The following PPARGC1A variants were observed in gnomAD, a reference collection of about 807,000 sequenced individuals.
PPARGC1A encodes peroxisome proliferator-activated receptor gamma coactivator 1-alpha.
In PPARGC1A, 25 loss-of-function variants were observed where a neutral mutation model predicts 88.7. That is an observed-to-expected ratio of 0.28 (90% confidence interval 0.21 to 0.39). PPARGC1A has a LOEUF of 0.39. PPARGC1A is among the 10% of genes least tolerant of loss of function. PPARGC1A has a pLI of 1.00. For synonymous variants in PPARGC1A, 363 were observed against 355.6 expected, an observed-to-expected ratio of 1.02 and a Z score of -0.24; for missense variants, 880 against 968.7, an observed-to-expected ratio of 0.91 and a Z score of 1.22.
chr4:23,905,524 C>T (rs147308246), upstream of PPARGC1A, among the ~76,000 whole-genome samples: 4 of 152,290 alleles, frequency 2.6e-5, no homozygotes, highest in Non-Finnish European at 5.9e-5. Context: ...ACAAATGCAG[C>T]CTTCTCTGCT....
At chr4:23,954,427 C>T in the PPARGC1A span, among the ~76,000 whole-genome samples, 1 of 151,952 alleles carries the variant, frequency 6.6e-6, no homozygotes, top group Admixed American at 6.6e-5. Flanking sequence ...TATATACTCT[C>T]TTATATTAAA....
At chr4:23,965,207 T>C in the PPARGC1A span, among the ~76,000 whole-genome samples, 1 of 152,214 alleles carries the variant, frequency 6.6e-6, no homozygotes, top group Non-Finnish European at 1.5e-5. Flanking sequence ...AGATTCCTTA[T>C]GGTCCTAGAG....
At chr4:24,353,192 CTT>C in the PPARGC1A span, among the ~76,000 whole-genome samples, 2 of 144,186 alleles carry the variant, frequency 1.4e-5, no homozygotes, top group Non-Finnish European at 1.5e-5. Flanking sequence ...AATAATCAAT[CTT>C]TTTTTTTTTT....
At chr4:23,987,885 AC>A in the PPARGC1A span, among the ~76,000 whole-genome samples, 1 of 151,772 alleles carries the variant, frequency 6.6e-6, no homozygotes, top group African/African-American at 2.4e-5. Context: ...GGTTTGCTGC[AC>A]CCATCAACCC....
At chr4:24,122,430 T>G in the PPARGC1A span, among the ~76,000 whole-genome samples, 64 of 140,606 alleles carry the variant, frequency 4.6e-4, no homozygotes, top group South Asian at 2.3e-3. Context: ...TATATATATA[T>G]ATATATAGAG....
the PPARGC1A span, among the ~76,000 whole-genome samples, chr4:24,168,752 G>T: frequency 6.6e-6 from 1 of 152,132 alleles, no homozygotes; most frequent in Admixed American, 6.6e-5. Flanking sequence ...AAATACTACG[G>T]TGTTGGATTA....
chr4:23,814,248 T>C lies in PPARGC1A; in HGVS notation c.1235A>G (p.Asn412Ser), dbSNP rs1376455139. Residue 412 changes from asparagine to serine, a missense_variant, in exon 8 of 13, where the codon AAT (asparagine) becomes AGT (serine). Transcript: ENST00000264867. ...QELQDSRQLE[N>S]KDVSSDWQGQ... ...CTGCCAATCAGAGGAGACATCTTTA[T>C]TTTCTAGTTGTCTAGAGTCTTGGAG... 1 of 1,614,090 alleles carries C rather than the reference T, an allele frequency of 6.2e-7. No homozygotes were observed.
the PPARGC1A span, among the ~76,000 whole-genome samples, chr4:23,971,073 G>A: frequency 0.021 from 3,150 of 152,178 alleles, 109 homozygotes; most frequent in African/African-American, 0.07. Context: ...AGGGCTCCAC[G>A]CTCCAATTTC....
the PPARGC1A span, among the ~76,000 whole-genome samples, chr4:24,469,160 C>A: frequency 1.3e-5 from 2 of 152,216 alleles, no homozygotes; most frequent in African/African-American, 4.8e-5. Flanking sequence ...CTCACTCTTG[C>A]AAATTTGGCC....
the PPARGC1A span, among the ~76,000 whole-genome samples, chr4:24,062,578 G>C: frequency 6.6e-6 from 1 of 152,126 alleles, no homozygotes; most frequent in African/African-American, 2.4e-5. Flanking sequence ...ACTAGCCTGG[G>C]GGCCCCCAGT....
At chr4:24,043,667 T>C in the PPARGC1A span, among the ~76,000 whole-genome samples, 1 of 152,292 alleles carries the variant, frequency 6.6e-6, no homozygotes, top group Admixed American at 6.5e-5. Context: ...CTGGTAATAG[T>C]TTATCTATTT....
intron 2 of PPARGC1A, among the ~76,000 whole-genome samples, chr4:23,850,677 C>A (rs949005852): frequency 6.6e-6 from 1 of 152,140 alleles, no homozygotes; most frequent in Admixed American, 6.5e-5. Flanking sequence ...TTGCTGTGCA[C>A]TAGGGATACT....
chr4:23,980,504 C>T, the PPARGC1A span, among the ~76,000 whole-genome samples: 1 of 152,110 alleles, frequency 6.6e-6, no homozygotes, highest in Non-Finnish European at 1.5e-5. Flanking sequence ...TCTTTGCAAG[C>T]CATGATTCTT....
chr4:24,291,710 A>C, the PPARGC1A span, among the ~76,000 whole-genome samples: 9 of 152,192 alleles, frequency 5.9e-5, no homozygotes, highest in Non-Finnish European at 1.0e-4. Context: ...CTGAAGCTGA[A>C]CTCAGCGGCT....
the PPARGC1A span, among the ~76,000 whole-genome samples, chr4:24,380,621 T>G: frequency 1.3e-5 from 2 of 151,650 alleles, no homozygotes; most frequent in Non-Finnish European, 2.9e-5. Context: ...AAGACGAGAG[T>G]CAGTGATACC....
At position 23,813,755 on chromosome 4, in the gene PPARGC1A, C is replaced by A. The variant is rs1190819568; in HGVS notation, c.1728G>T (p.Arg576Ser). The A allele has an allele frequency of 6.2e-7, 1 of 1,613,366 alleles. No homozygotes were observed. The highest frequency in any genetic ancestry group is 8.5e-7 in the Non-Finnish European group (1 of 1,179,398). ...TGGAATATGGTGATCGGGAACACGA[C>A]CTGTGTCGAGAAAAGGACCTTGAAC... ...RSRSRSFSRHRSCSRSPYSRS... is the reference protein window; with the variant it reads ...RSRSRSFSRHSSCSRSPYSRS... Residue 576 changes from arginine to serine, a missense_variant, in exon 8 of 13, where the codon AGG becomes AGT. Physicochemically the swap from Arg to Ser is moderately radical, Grantham distance 110. Transcript: ENST00000264867.
At chr4:23,959,309 G>T in the PPARGC1A span, among the ~76,000 whole-genome samples, 2 of 152,110 alleles carry the variant, frequency 1.3e-5, no homozygotes, top group African/African-American at 2.4e-5. Context: ...ACATGAACTG[G>T]CTGCCCAGTC....
the PPARGC1A span, among the ~76,000 whole-genome samples, chr4:24,045,166 G>T: frequency 6.6e-6 from 1 of 152,106 alleles, no homozygotes; most frequent in African/African-American, 2.4e-5. Context: ...TATGTCAACT[G>T]GTGCAAGTTT....
At chr4:23,916,701 CACAG>C in the PPARGC1A span, among the ~76,000 whole-genome samples, 41 of 152,322 alleles carry the variant, frequency 2.7e-4, no homozygotes, top group South Asian at 8.3e-3. Context: ...ATACTCCATT[CACAG>C]ACAGTTAAGT....
Sources: gnomAD v4.1 joint callset for allele counts (sites outside exome capture counted in the v4.1 genomes callset) on GRCh38, gnomAD v4.1.1 for gene constraint, MANE v1.5 for transcripts, NCBI Gene and HGNC (gene_info 2026-07-23, HGNC 2026-07-21) for gene names.